TLK1: variants seen among roughly 807,000 people sequenced by gnomAD.
The protein encoded by TLK1 is serine/threonine-protein kinase tousled-like 1.
Under a neutral mutation model 105.3 loss-of-function variants are expected in TLK1, and 24 were observed. The observed-to-expected ratio is 0.23, with a 90% confidence interval of 0.17 to 0.32. TLK1 has a LOEUF of 0.32. Ranked by LOEUF, TLK1 falls within the 10% of genes least tolerant of loss-of-function variation. The pLI is 1.00. For synonymous variants in TLK1, 321 were observed against 310.4 expected (o/e 1.03, Z -0.36); for missense variants, 558 against 910.5 (o/e 0.61, Z 4.98).
chr2:171,051,589 G>C (rs530998009), intron 8 of TLK1, among the ~76,000 whole-genome samples: 1 of 152,300 alleles, frequency 6.6e-6, no homozygotes, highest in South Asian at 2.1e-4. Context: ...GGTCCCTTAT[G>C]ATACTGAGGA....
Position 171,046,374 on chromosome 2 carries a change from TAAAC to T in TLK1, c.981-16_981-13del, listed in dbSNP as rs1174359178. On this transcript the variant is annotated splice_polypyrimidine_tract_variant and intron_variant, in intron 10 of 20. Transcript: ENST00000431350. ...CCCATTCTTGTTGCCTGTGTAAAAA[TAAAC>T]AAATAAAACCATATTAACCTTCCAT... 1 of 1,580,474 alleles carries T rather than the reference TAAAC, an allele frequency of 6.3e-7. No individual in the cohort carries two copies. Among genetic ancestry groups the T allele is most frequent in the African/African-American group, 1.4e-5 (1 of 73,164 alleles).
At chr2:171,060,221 G>A (rs1391553677) in intron 4 of TLK1, among the ~76,000 whole-genome samples, 1 of 152,104 alleles carries the variant, frequency 6.6e-6, no homozygotes, top group Non-Finnish European at 1.5e-5. Flanking sequence ...CATCTTATTC[G>A]GGGGCTTGTT....
intron 3 of TLK1, among the ~76,000 whole-genome samples, chr2:171,062,289 TAAA>T (rs1575564331): frequency 6.6e-6 from 1 of 152,222 alleles, no homozygotes; most frequent in East Asian, 1.9e-4. Context: ...TGAATCTTAC[TAAA>T]CAACTTAAAA....
chr2:171,115,620 T>A (rs1350385040), intron 2 of TLK1, among the ~76,000 whole-genome samples: 1 of 152,178 alleles, frequency 6.6e-6, no homozygotes, highest in Non-Finnish European at 1.5e-5. Context: ...CTTACAATTA[T>A]TAGATGAATC....
chr2:171,195,386 C>T (rs1404274301), intron 1 of TLK1, among the ~76,000 whole-genome samples: 1 of 151,550 alleles, frequency 6.6e-6, no homozygotes, highest in Non-Finnish European at 1.5e-5. Flanking sequence ...GCCTGTAGTC[C>T]CAGCTACTCC....
At chr2:171,219,651 A>G (rs1427567782) in intron 1 of TLK1, among the ~76,000 whole-genome samples, 1 of 149,360 alleles carries the variant, frequency 6.7e-6, no homozygotes, top group Non-Finnish European at 1.5e-5. Flanking sequence ...CCCAGGCTGG[A>G]GTGCAGTGGT....
At position 170,991,808 on chromosome 2, in the gene TLK1, C is replaced by CATAAAGA. The variant is rs1683795706; in HGVS notation, c.*1965_*1971dup. The CATAAAGA allele has an allele frequency of 6.6e-6, 1 of 152,162 alleles. No individual in the cohort carries two copies. The highest frequency in any genetic ancestry group is 2.4e-5 in the African/African-American group (1 of 41,458). 9.4% of individuals were successfully genotyped at this position (152,162 alleles called of 1,614,324 possible). The stretch of plus-strand genomic sequence containing the variant: ...TTTATGAACATAGGACTTTATCATT[C>CATAAAGA]ATAAAGACGAAAACTCTAACAACAA... On this transcript the variant is annotated 3_prime_UTR_variant, in exon 21 of 21. Coordinates refer to ENST00000431350, the MANE Select transcript of TLK1 (RefSeq NM_012290.5).
At chr2:171,119,645 A>G (rs1314414196) in intron 1 of TLK1, among the ~76,000 whole-genome samples, 1 of 152,250 alleles carries the variant, frequency 6.6e-6, no homozygotes, top group African/African-American at 2.4e-5. Context: ...GAGCAATGGG[A>G]TAAAACAGGG....
chr2:171,033,459 T>C (rs187871334), intron 11 of TLK1, among the ~76,000 whole-genome samples: 1 of 151,698 alleles, frequency 6.6e-6, no homozygotes, highest in East Asian at 1.9e-4. Flanking sequence ...TGGGGTTGGT[T>C]AATGGGTGCA....
Position 171,082,863 on chromosome 2 carries a change from T to C in TLK1, c.259-11A>G. The C allele has an allele frequency of 1.9e-6, 3 of 1,592,112 alleles. No individual in the cohort carries two copies. The highest frequency in any genetic ancestry group is 1.7e-4 in the Middle Eastern group (1 of 5,984). ...GTTATTTGTTGAGGCCTGTTAAAGATTTTTTAAAAGGTAAAAATTAGGAGT... is the reference window on the plus strand; with the variant it reads ...GTTATTTGTTGAGGCCTGTTAAAGACTTTTTAAAAGGTAAAAATTAGGAGT... On this transcript the variant is annotated splice_polypyrimidine_tract_variant and intron_variant, in intron 2 of 20. Coordinates refer to ENST00000431350, the MANE Select transcript of TLK1 (RefSeq NM_012290.5).
Position 171,160,139 on chromosome 2 carries a change from G to A in TLK1, c.139+151C>T, listed in dbSNP as rs1275336382. On this transcript the variant is annotated intron_variant, in intron 1 of 20. Transcript: ENST00000431350. This position sits in a 1 kb window ranked among gnomAD's most constrained non-coding sequence, Gnocchi z 4.4. ...AGGGCACTACCTCCCCAGAGCCGGGGAGCCGGGCGGCCTCGCGTCCACCTC... is the reference window on the plus strand; with the variant it reads ...AGGGCACTACCTCCCCAGAGCCGGGAAGCCGGGCGGCCTCGCGTCCACCTC... 1.1e-6 allele frequency: 1 copy of A among 871,970 alleles called. No homozygotes were observed. Among genetic ancestry groups the A allele is most frequent in the Non-Finnish European group, 1.5e-6 (1 of 658,726 alleles). 54.0% of individuals were successfully genotyped at this position (871,970 alleles called of 1,614,324 possible).
At chr2:171,015,622 A>G (rs1053081153) in intron 12 of TLK1, among the ~76,000 whole-genome samples, 5 of 151,618 alleles carry the variant, frequency 3.3e-5, no homozygotes, top group African/African-American at 1.2e-4. Flanking sequence ...CTTAAAATAT[A>G]CAACTTTTAG....
At chr2:171,226,070 T>A (rs1016003008) in intron 1 of TLK1, among the ~76,000 whole-genome samples, 4 of 152,152 alleles carry the variant, frequency 2.6e-5, no homozygotes, top group Non-Finnish European at 5.9e-5. Flanking sequence ...GGATTTCCCC[T>A]GGTGGAGTCC....
intron 11 of TLK1, among the ~76,000 whole-genome samples, chr2:171,031,953 T>C (rs1686065653): frequency 6.6e-6 from 1 of 152,124 alleles, no homozygotes; most frequent in Non-Finnish European, 1.5e-5. Context: ...CCAGATGTGG[T>C]GGTGCACGCC....
At chr2:171,015,676 G>T (rs199984986) in intron 12 of TLK1, among the ~76,000 whole-genome samples, 4 of 78,182 alleles carry the variant, frequency 5.1e-5, no homozygotes, top group Non-Finnish European at 6.4e-5. Context: ...TGTCATTCAT[G>T]TCATTCATTC....
At chr2:171,162,963 T>C (rs544942685), upstream of TLK1, among the ~76,000 whole-genome samples, 80 of 152,296 alleles carry the variant, frequency 5.3e-4, no homozygotes, top group African/African-American at 1.8e-3. Flanking sequence ...CAGCTAACTT[T>C]GTATTTTTAG....
chr2:171,121,524 C>T (rs1351810023), intron 1 of TLK1, among the ~76,000 whole-genome samples: 1 of 152,114 alleles, frequency 6.6e-6, no homozygotes, highest in Non-Finnish European at 1.5e-5. Flanking sequence ...CAGCGAGAAC[C>T]TGTCTCAAAT....
At chr2:171,190,710 G>A (rs551978090) in intron 1 of TLK1, among the ~76,000 whole-genome samples, 11 of 152,242 alleles carry the variant, frequency 7.2e-5, no homozygotes, top group African/African-American at 9.6e-5. Context: ...AACAAAAAGC[G>A]TGCAGCAAAA....
intron 18 of TLK1, among the ~76,000 whole-genome samples, chr2:171,000,307 A>T (rs1684298917): frequency 1.4e-5 from 2 of 144,020 alleles, no homozygotes; most frequent in Non-Finnish European, 3.0e-5. Context: ...TGAACCTGGG[A>T]GGCAGAGGTT....
Sources: gnomAD v4.1 joint callset for allele counts (sites outside exome capture counted in the v4.1 genomes callset) on GRCh38, gnomAD v4.1.1 for gene constraint, Gnocchi (gnomAD v3.1) non-coding constraint, MANE v1.5 for transcripts, NCBI Gene and HGNC (gene_info 2026-07-23, HGNC 2026-07-21) for gene names.